FAAH2: variants seen among roughly 807,000 people sequenced by gnomAD.
FAAH2 encodes the protein fatty-acid amide hydrolase 2.
FAAH2 carries 60 observed loss-of-function variants against 36.9 expected under a neutral mutation model. The ratio of observed to expected loss-of-function variants is 1.63; its 90% CI spans 1.32 to 2.02. The LOEUF (loss-of-function observed/expected upper bound fraction) is 2.02, where lower values mean the gene tolerates loss of function less well. Ranked by LOEUF, FAAH2 falls within the 30% of genes most tolerant of loss-of-function variation. FAAH2 has a pLI of 0.00. For missense variants in FAAH2, 689 were observed against 397.5 expected (o/e 1.73, Z -6.23); for synonymous variants, 214 against 143.8 (o/e 1.49, Z -3.49).
the FAAH2 span, among the ~76,000 whole-genome samples, chrX:57,232,636 G>T: frequency 8.9e-6 from 1 of 112,141 alleles, no homozygotes; most frequent in East Asian, 2.8e-4. Flanking sequence ...AACTAAGATA[G>T]ACATATTCAA....
At chrX:57,223,707 A>G in the FAAH2 span, among the ~76,000 whole-genome samples, 1 of 111,875 alleles carries the variant, frequency 8.9e-6, no homozygotes, top group Non-Finnish European at 1.9e-5. Context: ...CTTTATCTGT[A>G]CTTTCTCCAG....
At chrX:57,301,532 C>T (rs1026823648) in intron 2 of FAAH2, among the ~76,000 whole-genome samples, 2 of 107,241 alleles carry the variant, frequency 1.9e-5, no homozygotes, top group African/African-American at 6.8e-5. Context: ...TTAATGGGTG[C>T]AGCACACCAA....
chrX:57,295,912 G>A (rs2052135655), intron 2 of FAAH2, among the ~76,000 whole-genome samples: 1 of 112,336 alleles, frequency 8.9e-6, no homozygotes, highest in Admixed American at 9.4e-5. Context: ...CTGGGGGAGG[G>A]GCGCCTTTGC....
chrX:57,302,371 C>A (rs984548072), intron 2 of FAAH2, among the ~76,000 whole-genome samples: 1 of 111,899 alleles, frequency 8.9e-6, no homozygotes, highest in Non-Finnish European at 1.9e-5. Context: ...ATTTATCCCA[C>A]AAATGGTTAT....
the FAAH2 span, among the ~76,000 whole-genome samples, chrX:57,176,503 A>G: frequency 1.3e-5 from 1 of 74,649 alleles, no homozygotes; most frequent in Non-Finnish European, 2.1e-5. Flanking sequence ...TAATTTTTTT[A>G]TGTTGGTTTT....
intron 1 of FAAH2, among the ~76,000 whole-genome samples, chrX:57,289,501 A>G (rs1207075979): frequency 9.0e-6 from 1 of 110,873 alleles, no homozygotes; most frequent in Middle Eastern, 4.7e-3. Flanking sequence ...TCCGAAAGTC[A>G]ATGAGGTTTT....
chrX:57,166,066 G>A, the FAAH2 span, among the ~76,000 whole-genome samples: 2 of 110,494 alleles, frequency 1.8e-5, no homozygotes, highest in Non-Finnish European at 3.8e-5. Flanking sequence ...ACACCAACAG[G>A]CATCAGCAAC....
chrX:57,331,381 T>C (rs779187038), intron 3 of FAAH2, among the ~76,000 whole-genome samples: 1 of 110,042 alleles, frequency 9.1e-6, no homozygotes, highest in African/African-American at 3.3e-5. Flanking sequence ...GTTCCCAGCT[T>C]CCTCCCCATT....
intron 9 of FAAH2, among the ~76,000 whole-genome samples, chrX:57,447,734 T>A (rs1392882226): frequency 1.6e-4 from 2 of 12,282 alleles, no homozygotes; most frequent in Non-Finnish European, 0.026. Flanking sequence ...GGGCACCAAG[T>A]CCCTGGGCTC....
At chrX:57,130,949 A>AGTACTGT in the FAAH2 span, among the ~76,000 whole-genome samples, 3 of 112,531 alleles carry the variant, frequency 2.7e-5, no homozygotes, top group African/African-American at 9.7e-5. Context: ...GTTTCTATGA[A>AGTACTGT]GTACTGTGTA....
chrX:57,475,108 C>T (rs757788397), intron 10 of FAAH2, among the ~76,000 whole-genome samples: 1 of 111,669 alleles, frequency 9.0e-6, no homozygotes, highest in Non-Finnish European at 1.9e-5. Context: ...TTTGTCAGAT[C>T]GGTAGCATGC....
chrX:57,480,737 G>T (rs1484018288), intron 10 of FAAH2, among the ~76,000 whole-genome samples: 1 of 110,916 alleles, frequency 9.0e-6, no homozygotes, highest in Non-Finnish European at 1.9e-5. Context: ...TTCTTGAGGA[G>T]TATCTTAATG....
At chrX:57,147,077 C>T in the FAAH2 span, among the ~76,000 whole-genome samples, 1 of 111,409 alleles carries the variant, frequency 9.0e-6, no homozygotes, top group African/African-American at 3.3e-5. Flanking sequence ...ATACTCACTT[C>T]ACAGAATGAT....
At chrX:57,394,602 T>C (rs1569315440) in intron 7 of FAAH2, 2 of 1,160,090 alleles carry the variant, frequency 1.7e-6, no homozygotes, top group Non-Finnish European at 2.4e-6. Flanking sequence ...TGCATGAGCA[T>C]TGCAACCGTC....
At chrX:57,352,020 G>GTGTGTATATA (rs200784566) in intron 5 of FAAH2, among the ~76,000 whole-genome samples, 1 of 7,765 alleles carries the variant, frequency 1.3e-4, no homozygotes, top group Non-Finnish European at 1.9e-3. Context: ...ATGTGTGTGT[G>GTGTGTATATA]TATATATATA....
intron 8 of FAAH2, among the ~76,000 whole-genome samples, chrX:57,434,553 A>C (rs761765084): frequency 9.1e-6 from 1 of 109,430 alleles, no homozygotes; most frequent in South Asian, 3.9e-4. Context: ...CAGAAGGAAG[A>C]CTCTCGAAAT....
chrX:57,432,105 C>A, intron 8 of FAAH2, 68 bp downstream of exon 8: 3 of 966,707 alleles, frequency 3.1e-6, no homozygotes, highest in Non-Finnish European at 4.2e-6. Context: ...CTATTGTGGT[C>A]CATATGTTAG....
chrX:57,447,995 T>C (rs2056714128), intron 9 of FAAH2, among the ~76,000 whole-genome samples: 1 of 112,253 alleles, frequency 8.9e-6, no homozygotes, highest in Non-Finnish European at 1.9e-5. Context: ...ACGTTTATTC[T>C]CTGTTTCCCC....
intron 10 of FAAH2, among the ~76,000 whole-genome samples, chrX:57,455,066 C>T (rs760895609): frequency 6.3e-5 from 7 of 111,468 alleles, no homozygotes; most frequent in Non-Finnish European, 1.1e-4. Context: ...ATCAGGTTAC[C>T]TACAAAGTAA....
Sources: gnomAD v4.1 joint callset for allele counts (sites outside exome capture counted in the v4.1 genomes callset) on GRCh38, gnomAD v4.1.1 for gene constraint, MANE v1.5 for transcripts, NCBI Gene and HGNC (gene_info 2026-07-23, HGNC 2026-07-21) for gene names.